The following ABLIM1 variants were observed in gnomAD, a reference collection of about 807,000 sequenced individuals.
ABLIM1 encodes the protein actin-binding LIM protein 1.
Under a neutral mutation model 107.0 loss-of-function variants are expected in ABLIM1, and 40 were observed. That is an observed-to-expected ratio of 0.37 (90% CI 0.29 to 0.49). The LOEUF (loss-of-function observed/expected upper bound fraction) is 0.49. ABLIM1 is among the 20% of genes least tolerant of loss of function. The probability of loss-of-function intolerance (pLI) is 0.97; values close to 1 mark genes in which losing one functional copy is unlikely to be tolerated. For synonymous variants in ABLIM1, 357 were observed against 357.3 expected, an observed-to-expected ratio of 1.00 and a Z score of 0.01; for missense variants, 857 against 1,008.5, an observed-to-expected ratio of 0.85 and a Z score of 2.04.
At chr10:114,776,750 A>G in the ABLIM1 span, among the ~76,000 whole-genome samples, 16 of 152,302 alleles carry the variant, frequency 1.1e-4, no homozygotes, top group South Asian at 8.3e-4. Flanking sequence ...AGTAGCTTGG[A>G]CTACAAGAAT....
chr10:114,600,622 G>T (rs2075886362), intron 2 of ABLIM1, among the ~76,000 whole-genome samples: 1 of 152,094 alleles, frequency 6.6e-6, no homozygotes, highest in Non-Finnish European at 1.5e-5. Context: ...TGTGACGTAT[G>T]ACACTCAAAA....
chr10:114,487,921 A>G, intron 8 of ABLIM1, 37 bp downstream of exon 8: 1 of 1,611,300 alleles, frequency 6.2e-7, no homozygotes, highest in Non-Finnish European at 8.5e-7. Flanking sequence ...TATGGCCTAC[A>G]AATGCAGCTG....
chr10:114,439,600 A>C (rs576306841), intron 20 of ABLIM1: 85 of 394,574 alleles, frequency 2.2e-4, no homozygotes, highest in Middle Eastern at 1.5e-3. Flanking sequence ...TTCTTTTCTT[A>C]TTCTCCATCA....
chr10:114,556,730 A>G (rs1234955594), intron 4 of ABLIM1, among the ~76,000 whole-genome samples: 1 of 152,190 alleles, frequency 6.6e-6, no homozygotes, highest in Non-Finnish European at 1.5e-5. Flanking sequence ...CTTCATCTTC[A>G]TCCAGGCTGT....
At chr10:114,649,813 T>G (rs1369442097) in intron 1 of ABLIM1, among the ~76,000 whole-genome samples, 1 of 152,068 alleles carries the variant, frequency 6.6e-6, no homozygotes, top group Non-Finnish European at 1.5e-5. Flanking sequence ...GCTGGCCACC[T>G]GTCCACCCCA....
chr10:114,578,665 CA>C (rs2072947531), intron 2 of ABLIM1, among the ~76,000 whole-genome samples: 1 of 152,092 alleles, frequency 6.6e-6, no homozygotes, highest in Admixed American at 6.5e-5. Flanking sequence ...CTCGGCCTCC[CA>C]AAATGCTGGG....
At chr10:114,731,030 G>A (rs367922099) in intron 1 of ABLIM1, among the ~76,000 whole-genome samples, 5 of 152,062 alleles carry the variant, frequency 3.3e-5, no homozygotes, top group East Asian at 3.8e-4. Flanking sequence ...ACCATTGTAC[G>A]GATACACCAC....
intron 6 of ABLIM1, among the ~76,000 whole-genome samples, chr10:114,510,536 C>A (rs1392060829): frequency 6.6e-6 from 1 of 151,970 alleles, no homozygotes; most frequent in Non-Finnish European, 1.5e-5. Flanking sequence ...GTCTAATGGG[C>A]GTTGAACACA....
At chr10:114,502,785 G>C (rs1350478022) in intron 6 of ABLIM1, among the ~76,000 whole-genome samples, 1 of 152,108 alleles carries the variant, frequency 6.6e-6, no homozygotes, top group Non-Finnish European at 1.5e-5. Flanking sequence ...TTGCAGTATA[G>C]CATTGAGAAA....
At chr10:114,539,165 C>A (rs1323049789) in intron 6 of ABLIM1, among the ~76,000 whole-genome samples, 6 of 152,206 alleles carry the variant, frequency 3.9e-5, no homozygotes, top group African/African-American at 1.4e-4. Flanking sequence ...CAGGACCAGC[C>A]TGGCCAACGT....
At chr10:114,443,398 C>T (rs888020258) in intron 17 of ABLIM1, among the ~76,000 whole-genome samples, 4 of 150,678 alleles carry the variant, frequency 2.7e-5, no homozygotes, top group Non-Finnish European at 4.4e-5. Context: ...CTGCAACCTC[C>T]ACCTCCCAGG....
chr10:114,714,008 A>G (rs1359401689), intron 1 of ABLIM1, among the ~76,000 whole-genome samples: 1 of 152,198 alleles, frequency 6.6e-6, no homozygotes, highest in African/African-American at 2.4e-5. Context: ...CCTGGACTTG[A>G]AAAATCATCT....
At chr10:114,673,269 A>AC (rs2080336095) in intron 1 of ABLIM1, among the ~76,000 whole-genome samples, 2 of 151,402 alleles carry the variant, frequency 1.3e-5, no homozygotes, top group African/African-American at 4.8e-5. Context: ...AAAAAAAAAA[A>AC]ACAAAAAAAA....
chr10:114,678,859 A>G (rs2080611893), intron 1 of ABLIM1, among the ~76,000 whole-genome samples: 1 of 152,214 alleles, frequency 6.6e-6, no homozygotes. Flanking sequence ...TTAACTGAGC[A>G]TAATAATTTT....
At chr10:114,623,806 A>C (rs2077617622) in intron 1 of ABLIM1, among the ~76,000 whole-genome samples, 1 of 152,232 alleles carries the variant, frequency 6.6e-6, no homozygotes. Flanking sequence ...TTTCCTTAGA[A>C]GTATTAAAAA....
chr10:114,643,862 C>A (rs1487865939), intron 1 of ABLIM1, among the ~76,000 whole-genome samples: 2 of 152,114 alleles, frequency 1.3e-5, no homozygotes, highest in African/African-American at 2.4e-5. Flanking sequence ...AGGTGCGAGT[C>A]ACTGACCCTA....
chr10:114,489,922 C>T (rs1237416924), intron 7 of ABLIM1, among the ~76,000 whole-genome samples: 3 of 152,148 alleles, frequency 2.0e-5, no homozygotes, highest in Admixed American at 6.5e-5. Context: ...ATTTGTAGCC[C>T]GAATGTGCTG....
chr10:114,787,245 G>T, the ABLIM1 span, among the ~76,000 whole-genome samples: 4 of 151,914 alleles, frequency 2.6e-5, no homozygotes, highest in African/African-American at 9.7e-5. Context: ...GAAGCGAGGA[G>T]CCTCTCCGCC....
intron 17 of ABLIM1, among the ~76,000 whole-genome samples, chr10:114,442,022 C>T (rs191250412): frequency 5.9e-5 from 9 of 152,282 alleles, no homozygotes; most frequent in Non-Finnish European, 1.3e-4. Flanking sequence ...CTGAAGCTGG[C>T]TGTGCTTCCT....
Sources: gnomAD v4.1 joint callset for allele counts (sites outside exome capture counted in the v4.1 genomes callset) on GRCh38, gnomAD v4.1.1 for gene constraint, MANE v1.5 for transcripts, NCBI Gene and HGNC (gene_info 2026-07-23, HGNC 2026-07-21) for gene names.